NDUFAF7: variants seen among roughly 807,000 people sequenced by gnomAD.
NDUFAF7 encodes the protein protein arginine methyltransferase NDUFAF7, mitochondrial.
Under a neutral mutation model 47.2 loss-of-function variants are expected in NDUFAF7, and 48 were observed. The observed-to-expected ratio is 1.02, with a 90% CI of 0.81 to 1.29. The LOEUF (loss-of-function observed/expected upper bound fraction) is 1.29. NDUFAF7 is among the 50% of genes most tolerant of loss of function. The probability of loss-of-function intolerance (pLI) is 0.00; values close to 1 mark genes in which losing one functional copy is unlikely to be tolerated. For synonymous variants in NDUFAF7, 217 were observed against 190.0 expected (o/e 1.14, Z -1.17); for missense variants, 635 against 537.6 (o/e 1.18, Z -1.79).
At chr2:37,259,640 C>A in the NDUFAF7 span, 1 of 1,613,498 alleles carries the variant, frequency 6.2e-7, no homozygotes. Flanking sequence ...AATCACAGTG[C>A]ACAATATTCT....
intron 7 of NDUFAF7, among the ~76,000 whole-genome samples, chr2:37,245,674 G>A (rs1666825636): frequency 1.8e-5 from 1 of 56,738 alleles, no homozygotes; most frequent in Middle Eastern, 8.1e-3. Context: ...GCCTGGCACT[G>A]TTCTAGGCAG....
chr2:37,244,741 A>T (rs1009676298), intron 7 of NDUFAF7, among the ~76,000 whole-genome samples: 1 of 152,176 alleles, frequency 6.6e-6, no homozygotes, highest in Non-Finnish European at 1.5e-5. Flanking sequence ...ACTTAAATGT[A>T]TGAATTAAGT....
At chr2:37,253,583 A>G (rs1667689594), downstream of NDUFAF7, among the ~76,000 whole-genome samples, 1 of 152,208 alleles carries the variant, frequency 6.6e-6, no homozygotes, top group Non-Finnish European at 1.5e-5. Context: ...TAATTTCTGA[A>G]ATTAAAAAAA....
At chr2:37,236,759 C>A (rs369797196) in intron 3 of NDUFAF7, among the ~76,000 whole-genome samples, 1 of 141,718 alleles carries the variant, frequency 7.1e-6, no homozygotes, top group African/African-American at 2.6e-5. Context: ...CCAGCCTCGG[C>A]GACTGAGCAA....
At chr2:37,245,329 A>C (rs1388305748) in intron 7 of NDUFAF7, among the ~76,000 whole-genome samples, 1 of 152,224 alleles carries the variant, frequency 6.6e-6, no homozygotes, top group African/African-American at 2.4e-5. Flanking sequence ...TAATGAAGGG[A>C]AAGAAATACC....
chr2:37,237,096 G>A (rs1401658484), intron 3 of NDUFAF7, among the ~76,000 whole-genome samples: 2 of 151,878 alleles, frequency 1.3e-5, no homozygotes, highest in Admixed American at 1.3e-4. Flanking sequence ...TCAGCCTCCC[G>A]AGTAGCTGGG....
In NDUFAF7 at chr2:37,240,540, C is replaced by G. The variant is rs182548134; in HGVS notation, c.409-1038C>G. On this transcript the variant is annotated intron_variant, in intron 4 of 9. Coordinates refer to ENST00000002125, the MANE Select transcript of NDUFAF7 (RefSeq NM_144736.5). ...ATATAAACATATGACAAATAAGAAT[C>G]TTGATTATTTGGGTGAAGAAAGAAA... Among the ~76,000 whole-genome samples, 16 of 151,798 alleles carry G rather than the reference C, an allele frequency of 1.1e-4. No homozygotes were observed. In the East Asian group the frequency reaches 3.1e-3, roughly 29 times the overall value.
intron 8 of NDUFAF7, among the ~76,000 whole-genome samples, chr2:37,247,024 A>AC (rs1310536827): frequency 1.3e-5 from 2 of 152,140 alleles, no homozygotes; most frequent in Non-Finnish European, 2.9e-5. Flanking sequence ...CTCAGTAGAT[A>AC]GATTTTCAGC....
At chr2:37,264,635 G>A in the NDUFAF7 span, among the ~76,000 whole-genome samples, 3 of 152,102 alleles carry the variant, frequency 2.0e-5, no homozygotes, top group Non-Finnish European at 4.4e-5. Context: ...ATATTTGAGG[G>A]AGAAAGCATT....
chr2:37,254,757 A>C (rs941856653), downstream of NDUFAF7, among the ~76,000 whole-genome samples: 2 of 152,170 alleles, frequency 1.3e-5, no homozygotes, highest in Non-Finnish European at 2.9e-5. Flanking sequence ...AATGCTAGAG[A>C]GCACTCTAGT....
At chr2:37,233,563 A>C (rs1393615971) in intron 2 of NDUFAF7, among the ~76,000 whole-genome samples, 1 of 150,674 alleles carries the variant, frequency 6.6e-6, no homozygotes, top group Non-Finnish European at 1.5e-5. Flanking sequence ...CAGAGGTTGC[A>C]GTGAGCCTAG....
chr2:37,269,331 A>G, the NDUFAF7 span: 3 of 381,894 alleles, frequency 7.9e-6, no homozygotes, highest in African/African-American at 4.1e-5. Flanking sequence ...ACTTCAAACC[A>G]TCTCCCCCCC....
At chr2:37,243,054 A>G (rs562707727) in intron 6 of NDUFAF7, among the ~76,000 whole-genome samples, 105 of 152,128 alleles carry the variant, frequency 6.9e-4, no homozygotes, top group Non-Finnish European at 1.0e-3. Context: ...CTTGAACTCC[A>G]GGGCTCAAGT....
At chr2:37,234,086 C>T (rs2540978) in intron 2 of NDUFAF7, among the ~76,000 whole-genome samples, 4,246 of 152,106 alleles carry the variant, frequency 0.028, 180 homozygotes, top group African/African-American at 0.096. Flanking sequence ...TGATTATGGG[C>T]TTTTTTGTTT....
At chr2:37,249,979 G>C (rs1224314361), downstream of NDUFAF7, among the ~76,000 whole-genome samples, 1 of 151,312 alleles carries the variant, frequency 6.6e-6, no homozygotes, top group Non-Finnish European at 1.5e-5. Context: ...TGTAGCCTTT[G>C]AATGTGGACC....
chr2:37,253,805 G>A (rs1444625892), downstream of NDUFAF7, among the ~76,000 whole-genome samples: 1 of 152,102 alleles, frequency 6.6e-6, no homozygotes, highest in African/African-American at 2.4e-5. Flanking sequence ...TCCTTACTCT[G>A]AAGTTTGGAG....
Position 37,248,304 on chromosome 2 carries a change from C to G in NDUFAF7, c.1280C>G (p.Pro427Arg). The G allele has an allele frequency of 6.2e-7, 1 of 1,614,124 alleles. No individual in the cohort carries two copies. Among genetic ancestry groups the G allele is most frequent in the Non-Finnish European group, 8.5e-7 (1 of 1,180,006 alleles). Residue 427 changes from proline (P) to arginine (R), a missense_variant, in exon 10 of 10, where the codon CCC becomes CGC. By Grantham distance (103) the Pro-to-Arg change is moderately radical (BLOSUM62 -2). Coordinates refer to ENST00000002125, the MANE Select transcript of NDUFAF7 (RefSeq NM_144736.5). ...RYQRNARQSK[P>R]FASVVAGFSE... The stretch of plus-strand genomic sequence containing the variant: ...CAGAGGAATGCACGTCAGTCAAAAC[C>G]CTTTGCATCCGTTGTAGCTGGGTTT...
chr2:37,265,884 A>AT, the NDUFAF7 span, among the ~76,000 whole-genome samples: 7 of 152,304 alleles, frequency 4.6e-5, no homozygotes, highest in Middle Eastern at 0.017. Flanking sequence ...TCCATAGCTG[A>AT]TAAGAGGAAA....
intron 7 of NDUFAF7, among the ~76,000 whole-genome samples, chr2:37,245,179 C>G (rs779515252): frequency 1.3e-5 from 2 of 152,212 alleles, no homozygotes; most frequent in Admixed American, 1.3e-4. Flanking sequence ...AGTAACTTGT[C>G]TACCAGTAAG....
Sources: allele counts gnomAD v4.1 joint callset (sites outside exome capture counted in the v4.1 genomes callset), GRCh38; gene constraint gnomAD v4.1.1; transcripts MANE v1.5; gene names NCBI Gene and HGNC (gene_info 2026-07-23, HGNC 2026-07-21).